INTS6L: variants seen among roughly 807,000 people sequenced by gnomAD.
INTS6L encodes integrator complex subunit 6 like, also known as integrator complex subunit 6-like.
Under a neutral mutation model 64.7 loss-of-function variants are expected in INTS6L, and 18 were observed. The ratio of observed to expected loss-of-function variants is 0.28; its 90% CI spans 0.19 to 0.41. INTS6L has a LOEUF of 0.41. INTS6L is among the 10% of genes least tolerant of loss of function. The pLI is 1.00. For missense variants in INTS6L, 533 were observed against 661.0 expected (o/e 0.81, Z 2.12); for synonymous variants, 227 against 235.9 (o/e 0.96, Z 0.34).
intron 6 of INTS6L, among the ~76,000 whole-genome samples, chrX:135,549,289 T>C (rs1465274061): frequency 8.9e-6 from 1 of 112,551 alleles, no homozygotes; most frequent in Non-Finnish European, 1.9e-5. Context: ...AATTTAGTAA[T>C]TGAATTCTTG....
chrX:135,579,523 G>A (rs1477743026), intron 15 of INTS6L, among the ~76,000 whole-genome samples: 3 of 111,814 alleles, frequency 2.7e-5, no homozygotes, highest in Non-Finnish European at 5.6e-5. Flanking sequence ...TGACACTAAC[G>A]CATGAGTACC....
At chrX:135,534,682 CTT>C (rs1293328959) in intron 2 of INTS6L, among the ~76,000 whole-genome samples, 13 of 92,037 alleles carry the variant, frequency 1.4e-4, no homozygotes, top group Non-Finnish European at 1.7e-4. Context: ...TTTTTCTTTT[CTT>C]TTTTTTTTTT....
At chrX:135,546,576 T>C in intron 4 of INTS6L, 107 bp downstream of exon 4, 1 of 995,641 alleles carries the variant, frequency 1.0e-6, no homozygotes, top group South Asian at 2.7e-5. Context: ...ATCATCCATC[T>C]TGGTAATCCT....
intron 8 of INTS6L, among the ~76,000 whole-genome samples, chrX:135,554,889 T>TTTG (rs2086604006): frequency 2.6e-5 from 2 of 77,103 alleles, no homozygotes; most frequent in Non-Finnish European, 5.1e-5. Flanking sequence ...ATAACTTTTT[T>TTTG]TTTTTTTTTT....
chrX:135,574,082 C>T lies in INTS6L; in HGVS notation c.1741+20C>T. 1 of 1,044,617 alleles carries T rather than the reference C, an allele frequency of 9.6e-7. No individual in the cohort carries two copies. 86.1% of individuals were successfully genotyped at this position (1,044,617 alleles called of 1,213,427 possible). A position where few individuals can be genotyped will look rare whatever the true frequency, so the allele number is the denominator to read the frequency against. On this transcript the variant is annotated intron_variant, in intron 13 of 17. Coordinates refer to ENST00000639893, the MANE Select transcript of INTS6L (RefSeq NM_001351601.3). Reference sequence around the variant, plus strand: ...ATGAAGGTAAAATAACTGTGAAATACTTTTTTTTTTTTTTTGGAAAATGCC... The same window carrying T: ...ATGAAGGTAAAATAACTGTGAAATATTTTTTTTTTTTTTTTGGAAAATGCC...
At chrX:135,553,945 A>G (rs1380786961) in intron 8 of INTS6L, among the ~76,000 whole-genome samples, 6 of 111,958 alleles carry the variant, frequency 5.4e-5, no homozygotes, top group Admixed American at 2.8e-4. Flanking sequence ...AATATGTCAT[A>G]TGCCTCTTTC....
At position 135,577,053 on chromosome X, in the gene INTS6L, AT is replaced by A. The variant is rs112974465; in HGVS notation, c.1885-137del. 4,065 of 595,763 alleles carry A rather than the reference AT, an allele frequency of 6.8e-3. 111 individuals carry two copies. In the African/African-American group the frequency reaches 0.082, roughly 12 times the overall value. The allele number at this position is 595,763 out of a possible 1,213,427, so 49.1% of individuals were successfully genotyped here. On this transcript the variant is annotated intron_variant, in intron 14 of 17. Coordinates refer to ENST00000639893, the MANE Select transcript of INTS6L (RefSeq NM_001351601.3). ...TTTATATTAGTTAATCTGGCATGGG[AT>A]TTAAAAAAATGAAAGAAAAAAAGAC...
intron 2 of INTS6L, among the ~76,000 whole-genome samples, chrX:135,535,683 T>A (rs1421740261): frequency 8.9e-6 from 1 of 112,326 alleles, no homozygotes; most frequent in East Asian, 2.8e-4. Flanking sequence ...GAGCAAGTTT[T>A]CCCCAAACTT....
At chrX:135,570,084 C>G (rs192021218) in intron 10 of INTS6L, 1 of 134,556 alleles carries the variant, frequency 7.4e-6, no homozygotes, top group East Asian at 2.0e-4. Context: ...ATTGGTGTCA[C>G]TGGGAGGAGA....
chrX:135,568,433 A>C (rs2087007099), intron 9 of INTS6L, among the ~76,000 whole-genome samples: 1 of 110,897 alleles, frequency 9.0e-6, no homozygotes, highest in Non-Finnish European at 1.9e-5. Context: ...TCAGTGAGTG[A>C]CCTAAAGTTT....
intron 2 of INTS6L, among the ~76,000 whole-genome samples, chrX:135,524,082 G>A (rs1448053107): frequency 9.0e-6 from 1 of 111,487 alleles, no homozygotes; most frequent in African/African-American, 3.3e-5. Context: ...TATTTTGGTA[G>A]CATTTTCTTT....
intron 6 of INTS6L, among the ~76,000 whole-genome samples, chrX:135,548,505 C>A (rs782771873): frequency 3.6e-5 from 4 of 111,746 alleles, no homozygotes; most frequent in African/African-American, 1.3e-4. Context: ...TGGGAACTTA[C>A]ATATTGAAAT....
chrX:135,545,314 T>TA, intron 2 of INTS6L, 109 bp from the exon 3 acceptor site: 1 of 999,484 alleles, frequency 1.0e-6, no homozygotes, highest in East Asian at 3.2e-5. Context: ...AGAATTAGGT[T>TA]AAAGAGTGGT....
rs782249206 is a variant in INTS6L at position 135,550,136 on chromosome X, AC to A, written c.906+332del. 8.0e-5 allele frequency among the ~76,000 whole-genome samples: 9 copies of A among 112,545 alleles called. No individual in the cohort carries two copies. In the South Asian group the frequency reaches 2.9e-3, roughly 37 times the overall value. On this transcript the variant is annotated intron_variant, in intron 7 of 17. Transcript: ENST00000639893. ...AGCTGACTTGATTTACGTGGCAAAC[AC>A]AACGTCTAAAATGTACTGGCCTTGG...
At chrX:135,527,738 G>C (rs1556502051) in intron 2 of INTS6L, among the ~76,000 whole-genome samples, 1 of 111,464 alleles carries the variant, frequency 9.0e-6, no homozygotes, top group African/African-American at 3.3e-5. Context: ...GAGCTAAAGG[G>C]AGGGGAGAAT....
Position 135,572,835 on chromosome X carries a change from A to T in INTS6L, c.1419A>T (p.Arg473=). Residue 473 remains arginine, a synonymous_variant, in exon 12 of 18, where the codon CGA becomes CGT. Transcript: ENST00000639893. ...TTTAGACCAAACTAGAGTCAGAACG[A>T]ATACTAGCATCAGTGGGGAAGAAAC... ...LSQQTKLESE[R]ILASVGKKPP... 1 of 1,211,481 alleles carries T rather than the reference A, an allele frequency of 8.3e-7. No individual in the cohort carries two copies. The highest frequency in any genetic ancestry group is 1.1e-6 in the Non-Finnish European group (1 of 895,242).
intron 8 of INTS6L, among the ~76,000 whole-genome samples, chrX:135,553,951 C>G (rs955056015): frequency 9.0e-6 from 1 of 111,715 alleles, no homozygotes; most frequent in Admixed American, 9.5e-5. Context: ...TCATATGCCT[C>G]TTTCCTGTAC....
intron 6 of INTS6L, among the ~76,000 whole-genome samples, chrX:135,549,341 C>T (rs782137021): frequency 1.5e-3 from 170 of 111,858 alleles, no homozygotes; most frequent in Admixed American, 3.8e-3. Flanking sequence ...TTTATGTGTA[C>T]GAGTCTCAGA....
intron 11 of INTS6L, 192 bp from the exon 12 acceptor site, chrX:135,572,623 G>A: frequency 3.0e-6 from 1 of 331,488 alleles, no homozygotes; most frequent in Non-Finnish European, 5.2e-6. Context: ...AATATTATTT[G>A]TCTTTCCTGC....
Sources: allele counts gnomAD v4.1 joint callset (sites outside exome capture counted in the v4.1 genomes callset), GRCh38; gene constraint gnomAD v4.1.1; transcripts MANE v1.5; gene names NCBI Gene and HGNC (gene_info 2026-07-23, HGNC 2026-07-21).